Variants in ROR1 observed in about 807,000 individuals in gnomAD.
ROR1 encodes the protein ROR family WNT receptor 1, also known as inactive tyrosine-protein kinase transmembrane receptor ROR1.
In ROR1, 19 loss-of-function variants were observed where a neutral mutation model predicts 78.8. That is an observed-to-expected ratio of 0.24 (90% CI 0.17 to 0.35). ROR1 has a LOEUF of 0.35. Ranked by LOEUF, ROR1 falls within the 10% of genes least tolerant of loss-of-function variation. The probability of loss-of-function intolerance (pLI) is 1.00; values close to 1 mark genes in which losing one functional copy is unlikely to be tolerated. For missense variants in ROR1, 917 were observed against 1,177.8 expected (o/e 0.78, Z 3.24); for synonymous variants, 386 against 433.6 (o/e 0.89, Z 1.36).
intron 4 of ROR1, 36 bp from the exon 5 acceptor site, chr1:64,137,333 G>A (rs2100706504): frequency 6.2e-7 from 1 of 1,612,408 alleles, no homozygotes; most frequent in Non-Finnish European, 8.5e-7. Flanking sequence ...TATGTATGTG[G>A]TGCATCAGCT....
intron 2 of ROR1, among the ~76,000 whole-genome samples, chr1:64,034,803 A>C (rs1018733871): frequency 6.6e-6 from 1 of 152,206 alleles, no homozygotes; most frequent in African/African-American, 2.4e-5. Context: ...TATATAAATA[A>C]ATAAGCCTTT....
chr1:64,079,955 C>T lies in ROR1; in HGVS notation c.482+29239C>T, dbSNP rs116041857. Reference sequence around the variant, plus strand: ...AGGCATGATGTGTATATAATACTTACTATGGAGAGGGCTTCTTTCTATAAT... The same window carrying T: ...AGGCATGATGTGTATATAATACTTATTATGGAGAGGGCTTCTTTCTATAAT... On this transcript the variant is annotated intron_variant, in intron 4 of 8. Coordinates refer to ENST00000371079, the MANE Select transcript of ROR1 (RefSeq NM_005012.4). Among the ~76,000 whole-genome samples the T allele has an allele frequency of 7.6e-3, 1,158 of 152,156 alleles. 18 individuals carry two copies. The highest frequency in any genetic ancestry group is 0.027 in the African/African-American group (1,111 of 41,520).
intron 2 of ROR1, among the ~76,000 whole-genome samples, chr1:64,029,599 C>T (rs1343782635): frequency 2.6e-5 from 4 of 152,138 alleles, no homozygotes; most frequent in Non-Finnish European, 5.9e-5. Flanking sequence ...CTCTTTCTGC[C>T]TTACAGATGG....
chr1:63,917,684 G>C (rs373953259), intron 1 of ROR1, among the ~76,000 whole-genome samples: 1 of 152,190 alleles, frequency 6.6e-6, no homozygotes, highest in Non-Finnish European at 1.5e-5. Context: ...TGACTGTCCA[G>C]GAAAATGGAG....
intron 1 of ROR1, among the ~76,000 whole-genome samples, chr1:63,803,554 G>A (rs932755487): frequency 5.3e-5 from 8 of 152,072 alleles, no homozygotes; most frequent in Non-Finnish European, 1.0e-4. Flanking sequence ...CCATGCTGGC[G>A]AGGCTGGTCT....
chr1:64,137,262 C>G, intron 4 of ROR1, 107 bp from the exon 5 acceptor site: 1 of 1,180,664 alleles, frequency 8.5e-7, no homozygotes, highest in Non-Finnish European at 1.2e-6. Context: ...GTATATTGTG[C>G]CCAACTGTGC....
intron 1 of ROR1, among the ~76,000 whole-genome samples, chr1:63,834,194 A>G (rs1490273855): frequency 1.3e-5 from 2 of 151,842 alleles, no homozygotes; most frequent in African/African-American, 2.4e-5. Context: ...CTCCGGAAGC[A>G]TGGGGCATTT....
intron 4 of ROR1, among the ~76,000 whole-genome samples, chr1:64,061,780 TGG>T (rs1462042805): frequency 1.3e-5 from 2 of 152,210 alleles, no homozygotes; most frequent in African/African-American, 4.8e-5. Flanking sequence ...GTGAAGCACT[TGG>T]GCTTAATGTC....
At chr1:64,078,120 C>A (rs1189113988) in intron 4 of ROR1, among the ~76,000 whole-genome samples, 2 of 152,230 alleles carry the variant, frequency 1.3e-5, no homozygotes, top group East Asian at 1.9e-4. Flanking sequence ...GTTGATCAAG[C>A]ATTTGCTGTG....
chr1:63,789,112 C>T, intron 1 of ROR1: 2 of 613,188 alleles, frequency 3.3e-6, no homozygotes, highest in South Asian at 2.9e-5. Flanking sequence ...AAGGTGTTTT[C>T]CTGGCATCGA....
chr1:63,828,978 T>C (rs1022562748), intron 1 of ROR1, among the ~76,000 whole-genome samples: 4 of 152,230 alleles, frequency 2.6e-5, no homozygotes, highest in Admixed American at 6.5e-5. Context: ...TTTTCCATCA[T>C]ATCATCGCCA....
In ROR1 at chr1:64,178,035, T is replaced by G. The variant is rs150076103; in HGVS notation, c.1994T>G (p.Met665Arg). ...PIRWMPPEAI[M>R]YGKFSSDSDI... ...CGCTGGATGCCCCCTGAAGCCATCA[T>G]GTATGGCAAATTCTCTTCTGATTCA... The change falls in exon 9 of 9, where the codon ATG becomes AGG. Residue 665 changes from methionine to arginine, a missense_variant. Physicochemically the swap from Met to Arg is moderately conservative, Grantham distance 91. This residue lies in a region of ROR1 where 835 missense variants were observed against 1,069.8 expected (regional missense o/e 0.78). Coordinates refer to ENST00000371079, the MANE Select transcript of ROR1 (RefSeq NM_005012.4). The surrounding 1 kb of genome is among the most constrained non-coding windows in gnomAD (Gnocchi z 4.3). 5 of 1,614,074 alleles carry G rather than the reference T, an allele frequency of 3.1e-6. No individual in the cohort carries two copies. The highest frequency in any genetic ancestry group is 2.2e-5 in the East Asian group (1 of 44,882).
chr1:64,102,951 C>A (rs958041926), intron 4 of ROR1, among the ~76,000 whole-genome samples: 3 of 152,170 alleles, frequency 2.0e-5, no homozygotes, highest in Admixed American at 1.3e-4. Context: ...CCTGGGATGA[C>A]AATCACCCCC....
chr1:63,922,870 C>A (rs749448334), intron 1 of ROR1, among the ~76,000 whole-genome samples: 3 of 152,150 alleles, frequency 2.0e-5, no homozygotes, highest in Non-Finnish European at 2.9e-5. Flanking sequence ...CCAGCTCCAA[C>A]TCTGAGGGTT....
chr1:64,090,592 T>C (rs1010587114), intron 4 of ROR1, among the ~76,000 whole-genome samples: 5 of 152,164 alleles, frequency 3.3e-5, no homozygotes, highest in Non-Finnish European at 7.3e-5. Flanking sequence ...AAGAGGAAAT[T>C]AGTTCCGACC....
In ROR1 at chr1:63,945,283, C is replaced by T. The variant is rs552775746; in HGVS notation, c.92-64022C>T. ...ATATCTCGGTATACACATGCAATAA[C>T]ATGTAAATACACTCAGTCCCATGTA... On this transcript the variant is annotated intron_variant, in intron 1 of 8. Transcript: ENST00000371079. 2.0e-5 allele frequency among the ~76,000 whole-genome samples: 3 copies of T among 152,314 alleles called. No individual in the cohort carries two copies. In the South Asian group the frequency reaches 6.2e-4, roughly 32 times the overall value.
At chr1:63,872,125 A>T (rs573804939) in intron 1 of ROR1, among the ~76,000 whole-genome samples, 1 of 152,244 alleles carries the variant, frequency 6.6e-6, no homozygotes, top group African/African-American at 2.4e-5. Context: ...AACTGTCAAC[A>T]TACACATCTC....
At chr1:64,055,120 C>A (rs1368792830) in intron 4 of ROR1, among the ~76,000 whole-genome samples, 1 of 152,112 alleles carries the variant, frequency 6.6e-6, no homozygotes, top group African/African-American at 2.4e-5. Flanking sequence ...GAAATTAGGA[C>A]TTCAAGATAC....
chr1:63,779,016 T>G (rs1644634732), intron 1 of ROR1, among the ~76,000 whole-genome samples: 1 of 152,206 alleles, frequency 6.6e-6, no homozygotes, highest in South Asian at 2.1e-4. Flanking sequence ...TATAAGAAAT[T>G]ATTGGAGACA....
Sources: gnomAD v4.1 joint callset for allele counts (sites outside exome capture counted in the v4.1 genomes callset) on GRCh38, gnomAD v4.1.1 for gene constraint, gnomAD v4.1.1 regional missense constraint, Gnocchi (gnomAD v3.1) non-coding constraint, MANE v1.5 for transcripts, NCBI Gene and HGNC (gene_info 2026-07-23, HGNC 2026-07-21) for gene names.